Variants in USH2A observed in about 807,000 individuals in gnomAD.
USH2A encodes the protein Usher syndrome 2A (autosomal recessive, mild).
In USH2A, 443 loss-of-function variants were observed where a neutral mutation model predicts 538.9. The ratio of observed to expected loss-of-function variants is 0.82; its 90% CI spans 0.76 to 0.89. USH2A has a LOEUF of 0.89. Ranked by LOEUF, USH2A falls within the 40% of genes least tolerant of loss-of-function variation. The pLI, the probability that USH2A is intolerant of heterozygous loss-of-function variation, is 0.00. For missense variants in USH2A, 6,633 were observed against 6,324.8 expected (o/e 1.05, Z -1.65); for synonymous variants, 2,413 against 2,273.5 (o/e 1.06, Z -1.75).
intron 42 of USH2A, 151 bp from the exon 43 acceptor site, chr1:215,878,031 A>T: frequency 8.9e-7 from 1 of 1,127,738 alleles, no homozygotes; most frequent in Non-Finnish European, 1.3e-6. Context: ...GTTTTGTTTC[A>T]GATGAACGTT....
intron 41 of USH2A, among the ~76,000 whole-genome samples, chr1:215,887,467 C>T (rs553935293): frequency 2.4e-4 from 36 of 152,204 alleles, no homozygotes; most frequent in African/African-American, 6.0e-4. Flanking sequence ...CATCGTATAT[C>T]GTGTACTTAA....
intron 22 of USH2A, among the ~76,000 whole-genome samples, chr1:216,089,914 G>A (rs1243592305): frequency 6.6e-6 from 1 of 151,496 alleles, no homozygotes; most frequent in African/African-American, 2.4e-5. Flanking sequence ...TAGTAGCCTT[G>A]GTTACCTATA....
chr1:215,851,297 T>G (rs1409910637), intron 44 of USH2A, among the ~76,000 whole-genome samples: 1 of 151,872 alleles, frequency 6.6e-6, no homozygotes, highest in African/African-American at 2.4e-5. Flanking sequence ...TGACAGACCA[T>G]GTAGGAAGAT....
intron 20 of USH2A, among the ~76,000 whole-genome samples, chr1:216,188,334 C>T (rs769258220): frequency 7.2e-5 from 11 of 151,732 alleles, no homozygotes; most frequent in East Asian, 1.9e-4. Flanking sequence ...TTTCTAGGGA[C>T]GGGCATGTCT....
intron 13 of USH2A, among the ~76,000 whole-genome samples, chr1:216,234,215 T>G (rs1052817707): frequency 6.6e-6 from 1 of 152,136 alleles, no homozygotes; most frequent in African/African-American, 2.4e-5. Context: ...TACCAACAAT[T>G]GGGTTTTTTT....
intron 8 of USH2A, among the ~76,000 whole-genome samples, chr1:216,323,021 C>T (rs1260162526): frequency 1.3e-5 from 2 of 151,978 alleles, no homozygotes; most frequent in African/African-American, 4.8e-5. Flanking sequence ...ACCCATGGAA[C>T]TGTGCACTAT....
chr1:215,688,479 G>A (rs1658503162), intron 61 of USH2A, among the ~76,000 whole-genome samples: 1 of 152,068 alleles, frequency 6.6e-6, no homozygotes, highest in Non-Finnish European at 1.5e-5. Context: ...ACAATATATG[G>A]AGGCCATTGC....
intron 48 of USH2A, among the ~76,000 whole-genome samples, chr1:215,815,602 T>C (rs983910610): frequency 1.1e-4 from 17 of 152,000 alleles, no homozygotes; most frequent in African/African-American, 4.1e-4. Context: ...AAGGTAGGAG[T>C]AATTTTATAA....
intron 58 of USH2A, among the ~76,000 whole-genome samples, chr1:215,758,004 C>A (rs909477098): frequency 3.3e-5 from 5 of 152,114 alleles, no homozygotes; most frequent in African/African-American, 9.7e-5. Context: ...GAAGAGTAAG[C>A]CGGGCGTGGT....
intron 3 of USH2A, among the ~76,000 whole-genome samples, chr1:216,406,097 G>T (rs754501804): frequency 6.6e-6 from 1 of 152,138 alleles, no homozygotes; most frequent in Non-Finnish European, 1.5e-5. Context: ...TGTCCTTGTA[G>T]GGATGGAACT....
At position 216,196,731 on chromosome 1, in the gene USH2A, G is replaced by A. The variant is rs771412392; in HGVS notation, c.4082-9C>T. On this transcript the variant is annotated splice_polypyrimidine_tract_variant and intron_variant, in intron 18 of 71. Coordinates refer to ENST00000307340, the MANE Select transcript of USH2A (RefSeq NM_206933.4). ...GATCATGAATACAGGTGCTATCAAT[G>A]AGAACAATAACAATAACATCAAAAC... 2 of 1,611,824 alleles carry A rather than the reference G, an allele frequency of 1.2e-6. No homozygotes were observed. Among genetic ancestry groups the A allele is most frequent in the Non-Finnish European group, 1.7e-6 (2 of 1,178,796 alleles).
At chr1:215,934,931 A>G (rs1453627142) in intron 37 of USH2A, 136 bp from the exon 38 acceptor site, 2 of 764,776 alleles carry the variant, frequency 2.6e-6, no homozygotes, top group Non-Finnish European at 4.0e-6. Context: ...GAGGCATTAC[A>G]TGTGCTTCTA....
intron 61 of USH2A, among the ~76,000 whole-genome samples, chr1:215,696,993 C>A (rs1004477248): frequency 1.3e-5 from 2 of 151,990 alleles, no homozygotes; most frequent in African/African-American, 4.8e-5. Flanking sequence ...TACTTTGACA[C>A]TCAGGCTGGG....
chr1:215,867,726 A>G (rs1003321677), intron 43 of USH2A, among the ~76,000 whole-genome samples: 4 of 152,232 alleles, frequency 2.6e-5, no homozygotes, highest in African/African-American at 9.6e-5. Flanking sequence ...TCCCGCTGAG[A>G]GTTTTGCTAC....
chr1:216,333,603 G>A (rs1056988004), intron 4 of USH2A, among the ~76,000 whole-genome samples: 1 of 152,008 alleles, frequency 6.6e-6, no homozygotes, highest in African/African-American at 2.4e-5. Context: ...ATGCATCCAA[G>A]AAGCTCAATG....
chr1:216,254,407 C>T (rs1266853063), intron 11 of USH2A, among the ~76,000 whole-genome samples: 1 of 151,940 alleles, frequency 6.6e-6, no homozygotes, highest in East Asian at 1.9e-4. Context: ...AAAGGCATTC[C>T]CCTTTCCTTT....
chr1:216,408,340 T>C (rs1194791395), intron 3 of USH2A, among the ~76,000 whole-genome samples: 1 of 152,152 alleles, frequency 6.6e-6, no homozygotes, highest in Non-Finnish European at 1.5e-5. Flanking sequence ...AGCGTATACA[T>C]ATATTGCGCA....
chr1:215,932,689 A>C (rs969674328), intron 38 of USH2A, among the ~76,000 whole-genome samples: 1 of 151,984 alleles, frequency 6.6e-6, no homozygotes, highest in Non-Finnish European at 1.5e-5. Flanking sequence ...CTGACTCCCA[A>C]ATTCTAGATT....
At chr1:215,923,842 C>T (rs1318891710) in intron 38 of USH2A, among the ~76,000 whole-genome samples, 1 of 151,894 alleles carries the variant, frequency 6.6e-6, no homozygotes, top group Non-Finnish European at 1.5e-5. Context: ...AGCTGTGACT[C>T]CTCTGTCTAC....
Sources: gnomAD v4.1 joint callset for allele counts (sites outside exome capture counted in the v4.1 genomes callset) on GRCh38, gnomAD v4.1.1 for gene constraint, MANE v1.5 for transcripts, NCBI Gene and HGNC (gene_info 2026-07-23, HGNC 2026-07-21) for gene names.